Variants in AFG2A observed in about 807,000 individuals in gnomAD.
The protein encoded by AFG2A is ATPase family gene 2 protein homolog A.
chr4:123,000,955 G>T, the AFG2A span, among the ~76,000 whole-genome samples: 1 of 113,924 alleles, frequency 8.8e-6, no homozygotes, highest in Non-Finnish European at 1.9e-5. Context: ...TGGTTGGTAA[G>T]CTATTGATTA....
At chr4:123,054,677 C>T in the AFG2A span, among the ~76,000 whole-genome samples, 1 of 151,858 alleles carries the variant, frequency 6.6e-6, no homozygotes, top group Admixed American at 6.6e-5. Context: ...GAGATAGCGC[C>T]ACTGCACTCC....
chr4:122,952,798 ACT>A, the AFG2A span, among the ~76,000 whole-genome samples: 10 of 152,148 alleles, frequency 6.6e-5, no homozygotes, highest in East Asian at 1.9e-4. Context: ...ATTGGTCTTG[ACT>A]CTCTGCGGCA....
At chr4:122,998,418 G>A in the AFG2A span, among the ~76,000 whole-genome samples, 9 of 151,592 alleles carry the variant, frequency 5.9e-5, no homozygotes, top group African/African-American at 1.5e-4. Flanking sequence ...CCATTAACTC[G>A]TCATTTAGCA....
chr4:123,087,218 G>A, the AFG2A span, among the ~76,000 whole-genome samples: 1 of 152,204 alleles, frequency 6.6e-6, no homozygotes, highest in Admixed American at 6.5e-5. Context: ...GGGAGTATGG[G>A]AAGGAGTGTT....
the AFG2A span, among the ~76,000 whole-genome samples, chr4:123,011,189 T>C: frequency 4.6e-5 from 7 of 152,356 alleles, no homozygotes; most frequent in South Asian, 1.2e-3. Flanking sequence ...TCTGAACTGC[T>C]TTTAAAGTTT....
the AFG2A span, among the ~76,000 whole-genome samples, chr4:123,167,656 T>C: frequency 6.6e-6 from 1 of 152,188 alleles, no homozygotes; most frequent in Non-Finnish European, 1.5e-5. Flanking sequence ...CACAGCTGTG[T>C]TTCTTAAACT....
At chr4:123,007,641 C>A in the AFG2A span, among the ~76,000 whole-genome samples, 4 of 16,208 alleles carry the variant, frequency 2.5e-4, no homozygotes, top group African/African-American at 3.2e-4. Context: ...CACACACACA[C>A]AACACACACA....
the AFG2A span, among the ~76,000 whole-genome samples, chr4:123,050,325 G>T: frequency 1.3e-5 from 2 of 151,988 alleles, no homozygotes; most frequent in Admixed American, 1.3e-4. Context: ...GGTCCACTTG[G>T]TGTATAGTTT....
the AFG2A span, among the ~76,000 whole-genome samples, chr4:123,074,095 A>ATTT: frequency 5.9e-5 from 6 of 102,054 alleles, no homozygotes; most frequent in African/African-American, 1.4e-4. Flanking sequence ...CTCAGATAGT[A>ATTT]TTTTTTTTTT....
At chr4:123,118,581 G>A in the AFG2A span, among the ~76,000 whole-genome samples, 1 of 151,574 alleles carries the variant, frequency 6.6e-6, no homozygotes, top group Non-Finnish European at 1.5e-5. Flanking sequence ...GCTATTGTCA[G>A]TCTTTTGCCA....
the AFG2A span, among the ~76,000 whole-genome samples, chr4:122,974,310 A>G: frequency 6.6e-6 from 1 of 152,142 alleles, no homozygotes; most frequent in South Asian, 2.1e-4. Flanking sequence ...TCCCTGTTTC[A>G]GTTTTTCTGT....
chr4:123,314,252 T>C, the AFG2A span: 6 of 406,324 alleles, frequency 1.5e-5, no homozygotes, highest in Non-Finnish European at 2.5e-5. Flanking sequence ...TCTCTGAGCA[T>C]AAGTTTCAAT....
chr4:123,081,362 T>C, the AFG2A span, among the ~76,000 whole-genome samples: 1 of 152,342 alleles, frequency 6.6e-6, no homozygotes, highest in African/African-American at 2.4e-5. Context: ...TCCTATGCAG[T>C]GTTCCTGTAG....
chr4:122,979,200 A>G, the AFG2A span: 3 of 1,604,978 alleles, frequency 1.9e-6, no homozygotes, highest in Admixed American at 1.7e-5. Context: ...GAAGGAAAAG[A>G]CAAATCTTGT....
At chr4:122,996,668 G>A in the AFG2A span, among the ~76,000 whole-genome samples, 14 of 152,152 alleles carry the variant, frequency 9.2e-5, no homozygotes, top group African/African-American at 2.2e-4. Context: ...AATTATGGAC[G>A]CTGAGAAGTC....
chr4:122,976,942 C>T, the AFG2A span, among the ~76,000 whole-genome samples: 1 of 151,844 alleles, frequency 6.6e-6, no homozygotes, highest in African/African-American at 2.4e-5. Context: ...GTAAATAATG[C>T]TTTCTCATAT....
At chr4:122,950,401 G>A in the AFG2A span, among the ~76,000 whole-genome samples, 4 of 151,020 alleles carry the variant, frequency 2.6e-5, no homozygotes, top group Admixed American at 6.6e-5. Context: ...GCGCAATGGC[G>A]CGATCTCGGC....
chr4:123,307,912 G>C, the AFG2A span, among the ~76,000 whole-genome samples: 2 of 152,138 alleles, frequency 1.3e-5, no homozygotes, highest in African/African-American at 4.8e-5. Flanking sequence ...GTGTGGAATG[G>C]GCTATTACCA....
At chr4:123,016,904 G>A in the AFG2A span, among the ~76,000 whole-genome samples, 3 of 152,188 alleles carry the variant, frequency 2.0e-5, no homozygotes, top group South Asian at 2.1e-4. Flanking sequence ...CGGATCACTC[G>A]CAGTTCGGAG....
Sources: allele counts gnomAD v4.1 joint callset (sites outside exome capture counted in the v4.1 genomes callset), GRCh38; gene constraint gnomAD v4.1.1; transcripts MANE v1.5; gene names NCBI Gene and HGNC (gene_info 2026-07-23, HGNC 2026-07-21).